Variants in PUS7 observed in about 807,000 individuals in gnomAD.
The protein encoded by PUS7 is pseudouridine synthase 7.
PUS7 carries 48 observed loss-of-function variants against 79.8 expected under a neutral mutation model. That is an observed-to-expected ratio of 0.60 (90% CI 0.48 to 0.76). PUS7 has a LOEUF of 0.76. PUS7 is among the 30% of genes least tolerant of loss of function. PUS7 has a pLI of 0.00. For synonymous variants in PUS7, 286 were observed against 272.2 expected (o/e 1.05, Z -0.50); for missense variants, 729 against 797.6 (o/e 0.91, Z 1.04).
intron 7 of PUS7, among the ~76,000 whole-genome samples, chr7:105,488,264 A>G (rs146104806): frequency 0.036 from 5,419 of 152,266 alleles, 112 homozygotes; most frequent in Non-Finnish European, 0.055. Flanking sequence ...AAATAACAAG[A>G]TGCCATTTTT....
intron 13 of PUS7, among the ~76,000 whole-genome samples, chr7:105,463,633 C>A (rs146669529): frequency 8.7e-6 from 1 of 115,282 alleles, no homozygotes; most frequent in Admixed American, 1.1e-4. Flanking sequence ...CTATTAAATA[C>A]CTTCTGCAGT....
chr7:105,497,015 A>G, intron 5 of PUS7: 1 of 1,175,764 alleles, frequency 8.5e-7, no homozygotes, highest in Middle Eastern at 2.5e-4. Context: ...AGCAATGTTT[A>G]ATTTATAATA....
intron 1 of PUS7, among the ~76,000 whole-genome samples, chr7:105,516,447 A>ATT (rs113288004): frequency 6.9e-4 from 101 of 146,634 alleles, no homozygotes; most frequent in South Asian, 2.4e-3. Context: ...CTGAAATGGA[A>ATT]TTTTTTTTTT....
chr7:105,483,960 T>G (rs1480746006), intron 7 of PUS7, among the ~76,000 whole-genome samples: 1 of 152,240 alleles, frequency 6.6e-6, no homozygotes. Context: ...AATGTGGATT[T>G]ATCTGATTGT....
At chr7:105,486,069 CAG>C (rs1245211140) in intron 7 of PUS7, among the ~76,000 whole-genome samples, 2 of 148,406 alleles carry the variant, frequency 1.3e-5, no homozygotes, top group African/African-American at 2.5e-5. Flanking sequence ...GTTTTTGAGA[CAG>C]AGTGTTGCTC....
chr7:105,486,342 C>T lies in PUS7; in HGVS notation c.921-3902G>A, dbSNP rs138359657. Among the ~76,000 whole-genome samples the T allele has an allele frequency of 4.6e-5, 7 of 152,156 alleles. No homozygotes were observed. In the East Asian group the frequency reaches 1.4e-3, roughly 29 times the overall value. On this transcript the variant is annotated intron_variant, in intron 7 of 15. Coordinates refer to ENST00000469408, the MANE Select transcript of PUS7 (RefSeq NM_019042.5). ...TGCTGGGATTACAGGCGTGAGCCAC[C>T]GCACCCAGCTGTACATATTGATTTT...
intron 1 of PUS7, among the ~76,000 whole-genome samples, chr7:105,519,396 C>T (rs989420560): frequency 7.2e-5 from 11 of 152,176 alleles, no homozygotes; most frequent in African/African-American, 2.6e-4. Context: ...AAAATTACCA[C>T]ATCCAGCTAA....
chr7:105,518,924 A>C (rs1271209237), intron 1 of PUS7, among the ~76,000 whole-genome samples: 1 of 151,742 alleles, frequency 6.6e-6, no homozygotes, highest in Non-Finnish European at 1.5e-5. Context: ...GCCCGCCACA[A>C]CACCAGGCTA....
At chr7:105,468,566 G>A in intron 11 of PUS7, 103 bp from the exon 12 acceptor site, 3 of 1,020,082 alleles carry the variant, frequency 2.9e-6, no homozygotes, top group Non-Finnish European at 2.8e-6. Flanking sequence ...TGCCCAGGCT[G>A]GAGTGCAGTG....
chr7:105,521,647 C>T (rs1562829090), intron 1 of PUS7, among the ~76,000 whole-genome samples: 3 of 152,328 alleles, frequency 2.0e-5, no homozygotes, highest in East Asian at 3.9e-4. Flanking sequence ...CCGTGAAGGG[C>T]TTCAGGGCCA....
intron 9 of PUS7, among the ~76,000 whole-genome samples, chr7:105,479,789 T>C (rs1445983199): frequency 6.6e-6 from 1 of 151,986 alleles, no homozygotes; most frequent in African/African-American, 2.4e-5. Flanking sequence ...CTGGAGGTCA[T>C]GAGTTCGAGA....
intron 7 of PUS7, among the ~76,000 whole-genome samples, chr7:105,488,493 G>C (rs944092335): frequency 2.0e-5 from 3 of 152,146 alleles, no homozygotes; most frequent in Non-Finnish European, 4.4e-5. Flanking sequence ...TTCCCTTTAA[G>C]TCAGTAATTT....
chr7:105,461,667 A>G (rs1396959364), intron 14 of PUS7, among the ~76,000 whole-genome samples: 1 of 152,246 alleles, frequency 6.6e-6, no homozygotes, highest in Non-Finnish European at 1.5e-5. Flanking sequence ...GCACTGCTTA[A>G]CAAGAGGGAC....
chr7:105,509,250 T>C (rs1008283808), intron 1 of PUS7, among the ~76,000 whole-genome samples: 8 of 142,658 alleles, frequency 5.6e-5, no homozygotes, highest in African/African-American at 2.1e-4. Context: ...GCATAGTTAA[T>C]GTTGTTCATA....
chr7:105,464,797 C>A (rs1284114799), intron 13 of PUS7, among the ~76,000 whole-genome samples: 1 of 148,260 alleles, frequency 6.7e-6, no homozygotes, highest in African/African-American at 2.5e-5. Flanking sequence ...ATTTCCCTAA[C>A]AAATCCCCCT....
intron 11 of PUS7, among the ~76,000 whole-genome samples, chr7:105,469,774 G>C (rs936133878): frequency 6.6e-6 from 1 of 151,860 alleles, no homozygotes; most frequent in African/African-American, 2.4e-5. Context: ...TGTATTTTTA[G>C]TAGAGACAAG....
chr7:105,496,576 C>T (rs150862059), intron 5 of PUS7, among the ~76,000 whole-genome samples: 3 of 152,208 alleles, frequency 2.0e-5, no homozygotes, highest in African/African-American at 7.2e-5. Context: ...CTGCTGGTAC[C>T]GAAGCTGGTA....
At position 105,456,798 on chromosome 7, in the gene PUS7, T is replaced by A. The variant is rs892225133; in HGVS notation, c.*992A>T. 6.6e-6 allele frequency: 1 copy of A among 151,928 alleles called. No individual in the cohort carries two copies. The highest frequency in any genetic ancestry group is 2.4e-5 in the African/African-American group (1 of 41,318). The allele number at this position is 151,928 out of a possible 1,614,324, so 9.4% of individuals were successfully genotyped here. ...TTATTTATTTTTGAGCAAATACCAG[T>A]CCAGTGGAAAGAGTTCTGAACATAA... On this transcript the variant is annotated 3_prime_UTR_variant, in exon 16 of 16. Coordinates refer to ENST00000469408, the MANE Select transcript of PUS7 (RefSeq NM_019042.5).
intron 1 of PUS7, among the ~76,000 whole-genome samples, chr7:105,516,364 A>C (rs1019843330): frequency 3.9e-5 from 6 of 152,226 alleles, no homozygotes; most frequent in Non-Finnish European, 7.3e-5. Flanking sequence ...AGAACTGTTC[A>C]GAGCTCTGGA....
Sources: gnomAD v4.1 joint callset for allele counts (sites outside exome capture counted in the v4.1 genomes callset) on GRCh38, gnomAD v4.1.1 for gene constraint, MANE v1.5 for transcripts, NCBI Gene and HGNC (gene_info 2026-07-23, HGNC 2026-07-21) for gene names.